Variants in BICRAL observed in about 807,000 individuals in gnomAD.
BICRAL encodes the protein BRD4-interacting chromatin-remodeling complex-associated protein-like.
Under a neutral mutation model 91.8 loss-of-function variants are expected in BICRAL, and 8 were observed. The observed-to-expected ratio is 0.09, with a 90% CI of 0.05 to 0.16. The LOEUF is 0.16. BICRAL is among the 10% of genes least tolerant of loss of function. BICRAL has a pLI of 1.00. For synonymous variants in BICRAL, 445 were observed against 491.1 expected (o/e 0.91, Z 1.24); for missense variants, 1,038 against 1,310.9 (o/e 0.79, Z 3.21).
Position 42,829,369 on chromosome 6 carries a change from T to C in BICRAL, c.1036T>C (p.Ser346Pro). The change falls in exon 6 of 13, where the codon TCT becomes CCT. Residue 346 changes from serine to proline, a missense_variant. Ser to Pro is a moderately conservative substitution (Grantham distance 74). This residue lies in a region of BICRAL where 532 missense variants were observed against 724.9 expected (regional missense o/e 0.73). Transcript: ENST00000314073. The stretch of plus-strand genomic sequence containing the variant: ...CGTACAACAAGGGATCTCTTTTGCT[T>C]CTGCAAGCTCACCCCAGGGCTCAGT... The part of the protein sequence containing the change: ...HHVQQGISFA[S>P]ASSPQGSVVG... The C allele has an allele frequency of 1.2e-6, 2 of 1,614,184 alleles. No individual in the cohort carries two copies. The highest frequency in any genetic ancestry group is 1.7e-6 in the Non-Finnish European group (2 of 1,180,036).
intron 6 of BICRAL, among the ~76,000 whole-genome samples, chr6:42,839,277 A>T (rs1232349164): frequency 2.0e-5 from 3 of 151,850 alleles, no homozygotes; most frequent in Admixed American, 6.6e-5. Flanking sequence ...CATAGGGATC[A>T]TTATTGTTGT....
Position 42,846,350 on chromosome 6 carries a change from A to C in BICRAL, c.1840-5742A>C, listed in dbSNP as rs962156108. ...GCCATTGCACTCCAGCCTCGGCGACAGAGCAAGACTCCGGCTCAAAAAAAT... is the reference window on the plus strand; with the variant it reads ...GCCATTGCACTCCAGCCTCGGCGACCGAGCAAGACTCCGGCTCAAAAAAAT... On this transcript the variant is annotated intron_variant, in intron 6 of 12. Transcript: ENST00000314073. 7.9e-5 allele frequency among the ~76,000 whole-genome samples: 12 copies of C among 152,184 alleles called. No individual in the cohort carries two copies. The South Asian group carries it at 1.9e-3, about 24-fold the overall frequency.
At chr6:42,811,335 A>G (rs1225119190) in intron 2 of BICRAL, among the ~76,000 whole-genome samples, 1 of 152,164 alleles carries the variant, frequency 6.6e-6, no homozygotes. Context: ...AAAATGGCCT[A>G]AGTTTGGCCG....
At chr6:42,752,649 G>C (rs1044364314) in intron 1 of BICRAL, among the ~76,000 whole-genome samples, 1 of 151,942 alleles carries the variant, frequency 6.6e-6, no homozygotes, top group Admixed American at 6.6e-5. Flanking sequence ...TGTTTCCCAG[G>C]CTGGAGTGCA....
At chr6:42,793,880 A>G (rs977882048) in intron 1 of BICRAL, among the ~76,000 whole-genome samples, 1 of 150,150 alleles carries the variant, frequency 6.7e-6, no homozygotes, top group Non-Finnish European at 1.5e-5. Context: ...ACAGGTGCAC[A>G]CCATCATGCC....
intron 1 of BICRAL, among the ~76,000 whole-genome samples, chr6:42,806,658 A>G (rs549093346): frequency 2.6e-4 from 40 of 151,752 alleles, no homozygotes; most frequent in Non-Finnish European, 4.7e-4. Flanking sequence ...GACTACAGGC[A>G]TGTGCCACCA....
intron 5 of BICRAL, among the ~76,000 whole-genome samples, chr6:42,827,749 G>T (rs1481499089): frequency 1.4e-4 from 22 of 152,096 alleles, no homozygotes; most frequent in Admixed American, 1.4e-3. Flanking sequence ...ACTCGGTGTG[G>T]TGGGGCACAC....
At chr6:42,754,284 GTC>G (rs1762425366) in intron 1 of BICRAL, among the ~76,000 whole-genome samples, 1 of 151,342 alleles carries the variant, frequency 6.6e-6, no homozygotes, top group Non-Finnish European at 1.5e-5. Flanking sequence ...CCATTCTCCT[GTC>G]TCAGCCTCCC....
At chr6:42,813,502 A>G (rs970101070) in intron 2 of BICRAL, among the ~76,000 whole-genome samples, 4 of 152,180 alleles carry the variant, frequency 2.6e-5, no homozygotes, top group African/African-American at 9.7e-5. Context: ...ATATATTTCA[A>G]AAACGAAGGC....
At chr6:42,823,097 T>G in intron 5 of BICRAL, 94 bp downstream of exon 5, 1 of 728,874 alleles carries the variant, frequency 1.4e-6, no homozygotes. Flanking sequence ...ATCATGAGAA[T>G]CCTTACCTTG....
At chr6:42,855,719 T>G (rs958798027) in intron 8 of BICRAL, 137 bp from the exon 9 acceptor site, 34 of 658,108 alleles carry the variant, frequency 5.2e-5, no homozygotes, top group Non-Finnish European at 8.7e-5. Flanking sequence ...TTTTTATTTT[T>G]CAGCAGGGCA....
At chr6:42,860,408 C>T in intron 11 of BICRAL, 52 bp downstream of exon 11, 1 of 996,886 alleles carries the variant, frequency 1.0e-6, no homozygotes, top group Non-Finnish European at 1.6e-6. Flanking sequence ...AGGTCACAGC[C>T]ACTAAATCAG....
At chr6:42,757,875 C>T (rs763945318) in intron 1 of BICRAL, among the ~76,000 whole-genome samples, 28 of 152,150 alleles carry the variant, frequency 1.8e-4, no homozygotes, top group Non-Finnish European at 3.4e-4. Flanking sequence ...AAGATTTGTA[C>T]GTGGTCTTAG....
intron 1 of BICRAL, among the ~76,000 whole-genome samples, chr6:42,798,822 C>A (rs1003703235): frequency 6.6e-5 from 10 of 152,160 alleles, no homozygotes; most frequent in African/African-American, 2.2e-4. Flanking sequence ...AGCGTGGCTA[C>A]CCCATAGGCA....
At position 42,830,189 on chromosome 6, in the gene BICRAL, A is replaced by C. The variant is rs1764434242; in HGVS notation, c.1839+17A>C. The C allele has an allele frequency of 4.3e-6, 7 of 1,610,836 alleles. No homozygotes were observed. Among genetic ancestry groups the C allele is most frequent in the Non-Finnish European group, 5.9e-6 (7 of 1,178,308 alleles). On this transcript the variant is annotated intron_variant, in intron 6 of 12. Coordinates refer to ENST00000314073, the MANE Select transcript of BICRAL (RefSeq NM_001393499.1). Reference sequence around the variant, plus strand: ...TTCTGCCAGGTAATGCCCTTTCCCAAATAAATATTTGGCTGATTATAGAAT... The same window carrying C: ...TTCTGCCAGGTAATGCCCTTTCCCACATAAATATTTGGCTGATTATAGAAT...
chr6:42,767,068 A>G (rs1762647686), intron 1 of BICRAL, among the ~76,000 whole-genome samples: 2 of 151,110 alleles, frequency 1.3e-5, no homozygotes, highest in South Asian at 4.2e-4. Context: ...AGAAGAATAG[A>G]TTGAACCTGG....
At chr6:42,848,813 T>G (rs1765095746) in intron 6 of BICRAL, among the ~76,000 whole-genome samples, 1 of 152,184 alleles carries the variant, frequency 6.6e-6, no homozygotes, top group African/African-American at 2.4e-5. Flanking sequence ...AGTGAGACCC[T>G]GTCTCAAAAC....
At chr6:42,837,644 C>T (rs899617743) in intron 6 of BICRAL, among the ~76,000 whole-genome samples, 10 of 151,128 alleles carry the variant, frequency 6.6e-5, no homozygotes, top group African/African-American at 1.7e-4. Context: ...CCCAACTACT[C>T]GGGAGGCTGA....
At chr6:42,813,545 A>G (rs1763896622) in intron 2 of BICRAL, among the ~76,000 whole-genome samples, 1 of 152,088 alleles carries the variant, frequency 6.6e-6, no homozygotes, top group South Asian at 2.1e-4. Flanking sequence ...GTGGGGATAG[A>G]ATCTCTGTCT....
Sources: allele counts gnomAD v4.1 joint callset (sites outside exome capture counted in the v4.1 genomes callset), GRCh38; gene constraint gnomAD v4.1.1; regional missense constraint gnomAD v4.1.1; transcripts MANE v1.5; gene names NCBI Gene and HGNC (gene_info 2026-07-23, HGNC 2026-07-21).